MSH3: variants seen among roughly 807,000 people sequenced by gnomAD.
The protein encoded by MSH3 is DNA mismatch repair protein Msh3.
In MSH3, 106 loss-of-function variants were observed where a neutral mutation model predicts 123.3. The observed-to-expected ratio is 0.86, with a 90% CI of 0.73 to 1.01. The LOEUF is 1.01. MSH3 is among the 50% of genes least tolerant of loss of function. MSH3 has a pLI of 0.00. For synonymous variants in MSH3, 515 were observed against 481.4 expected, an observed-to-expected ratio of 1.07 and a Z score of -0.91; for missense variants, 1,459 against 1,347.6, an observed-to-expected ratio of 1.08 and a Z score of -1.29.
At chr5:80,857,598 G>T (rs1328755198) in intron 21 of MSH3, among the ~76,000 whole-genome samples, 3 of 152,020 alleles carry the variant, frequency 2.0e-5, no homozygotes, top group Non-Finnish European at 4.4e-5. Context: ...TTTTTTTCTT[G>T]TGTGAGTTTT....
chr5:80,851,698 T>C (rs1745833426), intron 20 of MSH3, among the ~76,000 whole-genome samples: 1 of 152,232 alleles, frequency 6.6e-6, no homozygotes, highest in Non-Finnish European at 1.5e-5. Flanking sequence ...CTATATAGCT[T>C]GGTATGTTTA....
In MSH3 at chr5:80,747,485, C is replaced by A. The variant is rs555627696; in HGVS notation, c.1763+2870C>A. 1.2e-4 allele frequency among the ~76,000 whole-genome samples: 18 copies of A among 152,210 alleles called. No homozygotes were observed. The East Asian group carries it at 3.1e-3, about 26-fold the overall frequency. ...TGTTAGCCAAAAACAAACACACGAA[C>A]CTTTTCTTTGCCCTTTTATTTTAGG... On this transcript the variant is annotated intron_variant, in intron 12 of 23. Coordinates refer to ENST00000265081, the MANE Select transcript of MSH3 (RefSeq NM_002439.5).
chr5:80,669,315 T>C (rs973659732), intron 3 of MSH3, among the ~76,000 whole-genome samples: 1 of 152,122 alleles, frequency 6.6e-6, no homozygotes, highest in Non-Finnish European at 1.5e-5. Flanking sequence ...ATATTTTTCA[T>C]TGTAGGGGGA....
At chr5:80,798,641 C>A (rs1744739456) in intron 19 of MSH3, among the ~76,000 whole-genome samples, 1 of 152,120 alleles carries the variant, frequency 6.6e-6, no homozygotes, top group Non-Finnish European at 1.5e-5. Flanking sequence ...AATCATGAGC[C>A]CATGGATTAA....
At chr5:80,669,962 C>A in intron 3 of MSH3, 135 bp from the exon 4 acceptor site, 1 of 803,028 alleles carries the variant, frequency 1.2e-6, no homozygotes, top group Non-Finnish European at 2.0e-6. Context: ...TGCCGGAATG[C>A]TACAATGTGC....
At chr5:80,841,964 T>C (rs1281060231) in intron 20 of MSH3, among the ~76,000 whole-genome samples, 1 of 152,158 alleles carries the variant, frequency 6.6e-6, no homozygotes, top group African/African-American at 2.4e-5. Context: ...GGTGTTTTAG[T>C]CATGAAGTCC....
chr5:80,686,190 G>A (rs1750084835), intron 8 of MSH3, among the ~76,000 whole-genome samples: 1 of 152,116 alleles, frequency 6.6e-6, no homozygotes, highest in African/African-American at 2.4e-5. Flanking sequence ...ATATCTATTA[G>A]GATCATTTGG....
chr5:80,754,218 A>C (rs1743884375), intron 12 of MSH3, among the ~76,000 whole-genome samples: 1 of 152,062 alleles, frequency 6.6e-6, no homozygotes, highest in Non-Finnish European at 1.5e-5. Context: ...CCACTAGGTA[A>C]TCATGGTTAT....
At chr5:80,755,020 G>C (rs1743900948) in intron 12 of MSH3, among the ~76,000 whole-genome samples, 1 of 152,152 alleles carries the variant, frequency 6.6e-6, no homozygotes, top group East Asian at 1.9e-4. Context: ...CCAGCAACCG[G>C]GTGTTCACTT....
chr5:80,850,027 G>C (rs1338467579), intron 20 of MSH3, among the ~76,000 whole-genome samples: 2 of 152,052 alleles, frequency 1.3e-5, no homozygotes, highest in African/African-American at 4.8e-5. Flanking sequence ...TCTTCTCCCA[G>C]ATCATCCTCT....
chr5:80,709,207 ATATGTG>A (rs1303354572), intron 8 of MSH3, among the ~76,000 whole-genome samples: 11 of 117,024 alleles, frequency 9.4e-5, no homozygotes, highest in Admixed American at 8.4e-4. Flanking sequence ...TATAAAATAG[ATATGTG>A]TGTGTGTGTG....
At chr5:80,792,597 T>C (rs1235791757) in intron 18 of MSH3, 136 bp from the exon 19 acceptor site, 2 of 652,420 alleles carry the variant, frequency 3.1e-6, no homozygotes, top group Non-Finnish European at 2.8e-6. Flanking sequence ...TCTGGACATA[T>C]GTTCTTAAAA....
chr5:80,869,383 CT>C (rs1466251277), intron 22 of MSH3, among the ~76,000 whole-genome samples: 2 of 152,102 alleles, frequency 1.3e-5, no homozygotes, highest in African/African-American at 4.8e-5. Flanking sequence ...TCATCAAGAA[CT>C]TTTGCTGTGA....
At chr5:80,741,256 A>G (rs1027347188) in intron 10 of MSH3, among the ~76,000 whole-genome samples, 16 of 151,966 alleles carry the variant, frequency 1.1e-4, no homozygotes, top group African/African-American at 2.7e-4. Context: ...TAGAGTAACT[A>G]TCTTTGTCTT....
At chr5:80,819,190 C>CATT (rs1580069479) in intron 20 of MSH3, among the ~76,000 whole-genome samples, 1 of 151,570 alleles carries the variant, frequency 6.6e-6, no homozygotes, top group African/African-American at 2.4e-5. Flanking sequence ...ATAAGAAGGC[C>CATT]ATTACATTTC....
At chr5:80,873,391 C>A in intron 23 of MSH3, 104 bp downstream of exon 23, 1 of 1,132,170 alleles carries the variant, frequency 8.8e-7, no homozygotes, top group Non-Finnish European at 1.3e-6. Flanking sequence ...TACTTTTAAG[C>A]ACCTCTTCAA....
chr5:80,789,612 C>A (rs1744574306), intron 18 of MSH3, among the ~76,000 whole-genome samples: 1 of 152,322 alleles, frequency 6.6e-6, no homozygotes, highest in East Asian at 1.9e-4. Context: ...TTCAAGCAAT[C>A]CACCTGCCTT....
chr5:80,721,835 C>G (rs931491190), intron 8 of MSH3, among the ~76,000 whole-genome samples: 6 of 152,022 alleles, frequency 3.9e-5, no homozygotes, highest in Admixed American at 3.3e-4. Context: ...TAAAATGATA[C>G]ATTTATTTCT....
intron 20 of MSH3, among the ~76,000 whole-genome samples, chr5:80,853,332 A>C (rs963730739): frequency 4.6e-5 from 7 of 152,202 alleles, no homozygotes; most frequent in Admixed American, 3.3e-4. Flanking sequence ...AATGTTAGCC[A>C]GGTGTGGTGG....
Sources: gnomAD v4.1 joint callset for allele counts (sites outside exome capture counted in the v4.1 genomes callset) on GRCh38, gnomAD v4.1.1 for gene constraint, MANE v1.5 for transcripts, NCBI Gene and HGNC (gene_info 2026-07-23, HGNC 2026-07-21) for gene names.